The following SHANK2 variants were observed in gnomAD, a reference collection of about 807,000 sequenced individuals.
SHANK2 encodes the protein SH3 and multiple ankyrin repeat domains 2, also known as SH3 and multiple ankyrin repeat domains protein 2.
SHANK2 carries 43 observed loss-of-function variants against 133.7 expected under a neutral mutation model. The observed-to-expected ratio is 0.32, with a 90% CI of 0.25 to 0.41. SHANK2 has a LOEUF of 0.41. Ranked by LOEUF, SHANK2 falls within the 10% of genes least tolerant of loss-of-function variation. The pLI is 1.00. For synonymous variants in SHANK2, 1,017 were observed against 952.8 expected (o/e 1.07, Z -1.24); for missense variants, 1,994 against 2,235.8 (o/e 0.89, Z 2.18).
At chr11:70,954,728 C>T (rs879971569) in intron 10 of SHANK2, among the ~76,000 whole-genome samples, 1 of 152,264 alleles carries the variant, frequency 6.6e-6, no homozygotes, top group Non-Finnish European at 1.5e-5. Context: ...CTGGCTTAGC[C>T]TGTGGCGATG....
At chr11:70,698,354 T>A (rs148557144) in intron 15 of SHANK2, 1 of 359,792 alleles carries the variant, frequency 2.8e-6, no homozygotes, top group African/African-American at 2.1e-5. Flanking sequence ...CCCCGGGGGA[T>A]GCTGCTGCCC....
At chr11:70,866,315 C>A (rs897071141) in intron 11 of SHANK2, among the ~76,000 whole-genome samples, 1 of 152,038 alleles carries the variant, frequency 6.6e-6, no homozygotes, top group Admixed American at 6.6e-5. Context: ...ATGGGGGGAA[C>A]CATTTGGGAG....
chr11:71,101,587 T>G (rs1441313126), intron 6 of SHANK2, among the ~76,000 whole-genome samples: 1 of 152,176 alleles, frequency 6.6e-6, no homozygotes, highest in Non-Finnish European at 1.5e-5. Flanking sequence ...GAACCATTAT[T>G]CTCTTGAATT....
chr11:71,132,815 T>C, intron 3 of SHANK2, among the ~76,000 whole-genome samples: 1 of 152,200 alleles, frequency 6.6e-6, no homozygotes, highest in East Asian at 1.9e-4. Context: ...TCCCTTTTTT[T>C]CTAAACAATT....
intron 11 of SHANK2, among the ~76,000 whole-genome samples, chr11:70,824,639 G>A (rs1298736094): frequency 2.0e-5 from 3 of 152,148 alleles, no homozygotes; most frequent in African/African-American, 7.2e-5. Flanking sequence ...ACAGGTCACC[G>A]AGTCTGTTTT....
At chr11:70,955,001 C>T (rs782316718) in intron 10 of SHANK2, among the ~76,000 whole-genome samples, 3 of 152,220 alleles carry the variant, frequency 2.0e-5, no homozygotes, top group Admixed American at 6.5e-5. Context: ...CTGAAAGGTA[C>T]CCAAACCACC....
intron 12 of SHANK2, among the ~76,000 whole-genome samples, chr11:70,808,734 C>CA (rs1300693722): frequency 6.6e-6 from 1 of 151,614 alleles, no homozygotes; most frequent in Admixed American, 6.6e-5. Flanking sequence ...GATCCTGTCT[C>CA]AAAAAAACAA....
intron 17 of SHANK2, among the ~76,000 whole-genome samples, chr11:70,533,882 C>T (rs1454294460): frequency 2.6e-5 from 4 of 152,184 alleles, no homozygotes; most frequent in Non-Finnish European, 5.9e-5. Context: ...TTTGTGTCTG[C>T]TTCTTTTACT....
rs577510199 is a variant in SHANK2 at position 70,882,810 on chromosome 11, C to T, written c.1174+13691G>A. The stretch of plus-strand genomic sequence containing the variant: ...GCATCTGCGAGCACAGGAAGCCAAG[C>T]GGCTGGCCTGGTCCTCCAGGAGGGC... On this transcript the variant is annotated intron_variant, in intron 11 of 25. Coordinates refer to ENST00000601538, the MANE Select transcript of SHANK2 (RefSeq NM_012309.5). The surrounding 1 kb of genome is among the most constrained non-coding windows in gnomAD (Gnocchi z 4.2). 2.0e-5 allele frequency among the ~76,000 whole-genome samples: 3 copies of T among 152,306 alleles called. No homozygotes were observed. Among genetic ancestry groups the T allele is most frequent in the South Asian group, 2.1e-4 (1 of 4,818 alleles).
chr11:71,065,950 G>C (rs1213775075), intron 9 of SHANK2, among the ~76,000 whole-genome samples: 145 of 12,534 alleles, frequency 0.012, no homozygotes, highest in South Asian at 0.019. Context: ...GGGTACAGAA[G>C]TCTCCCAGGG....
chr11:70,621,963 C>T (rs1430753670), intron 17 of SHANK2, among the ~76,000 whole-genome samples: 1 of 152,110 alleles, frequency 6.6e-6, no homozygotes, highest in Non-Finnish European at 1.5e-5. Context: ...CTTCTGAGCT[C>T]GTTTCTCTTC....
At chr11:70,850,713 G>T (rs1949073087) in intron 11 of SHANK2, among the ~76,000 whole-genome samples, 1 of 152,184 alleles carries the variant, frequency 6.6e-6, no homozygotes, top group Admixed American at 6.5e-5. Flanking sequence ...GAGGCACCCG[G>T]ACCTTCTAGT....
Position 70,853,543 on chromosome 11 carries a change from A to G in SHANK2, c.1175-32861T>C, listed in dbSNP as rs189134780. Among the ~76,000 whole-genome samples the G allele has an allele frequency of 2.6e-5, 4 of 152,256 alleles. No homozygotes were observed. In the East Asian group the frequency reaches 7.7e-4, roughly 29 times the overall value. On this transcript the variant is annotated intron_variant, in intron 11 of 25. Coordinates refer to ENST00000601538, the MANE Select transcript of SHANK2 (RefSeq NM_012309.5). Reference sequence around the variant, plus strand: ...GCCTCTCAGCAGGCAGGGCAAAGGCAAATGTCTCCTCCCAACAGCTCCACC... The same window carrying G: ...GCCTCTCAGCAGGCAGGGCAAAGGCGAATGTCTCCTCCCAACAGCTCCACC...
At chr11:70,507,016 A>G (rs1399598571) in intron 17 of SHANK2, among the ~76,000 whole-genome samples, 2 of 152,256 alleles carry the variant, frequency 1.3e-5, no homozygotes, top group Non-Finnish European at 2.9e-5. Context: ...TAGCTGTCAC[A>G]ATTTAAAGAG....
chr11:71,155,508 C>T (rs1363323347), intron 2 of SHANK2, among the ~76,000 whole-genome samples: 4 of 152,062 alleles, frequency 2.6e-5, no homozygotes, highest in African/African-American at 9.7e-5. Context: ...CCCTCCCATG[C>T]CCCCAGCCAC....
At chr11:70,482,401 C>T (rs2058747150) in intron 25 of SHANK2, among the ~76,000 whole-genome samples, 2 of 152,244 alleles carry the variant, frequency 1.3e-5, no homozygotes, top group South Asian at 4.1e-4. Flanking sequence ...CCGCCCGCGG[C>T]AGTCTCAGCC....
In SHANK2 at chr11:70,709,713, G is replaced by A. The variant is rs146682853; in HGVS notation, c.1778-10950C>T. ...TGTTGGGCCGATGGAGCGTGTGGCCGTGGCAGAGACAGCTGGCAAAGGTAC... is the reference window on the plus strand; with the variant it reads ...TGTTGGGCCGATGGAGCGTGTGGCCATGGCAGAGACAGCTGGCAAAGGTAC... On this transcript the variant is annotated intron_variant, in intron 14 of 25. Coordinates refer to ENST00000601538, the MANE Select transcript of SHANK2 (RefSeq NM_012309.5). Among the ~76,000 whole-genome samples, 101 of 152,280 alleles carry A rather than the reference G, an allele frequency of 6.6e-4. 1 individual carries two copies. In the East Asian group the frequency reaches 0.017, roughly 26 times the overall value.
At chr11:70,608,100 G>C (rs948724346) in intron 17 of SHANK2, among the ~76,000 whole-genome samples, 3 of 152,218 alleles carry the variant, frequency 2.0e-5, no homozygotes, top group African/African-American at 7.2e-5. Flanking sequence ...AAATGTGCCA[G>C]CTGCTCTTGT....
At chr11:70,921,586 C>T (rs534787592) in intron 10 of SHANK2, among the ~76,000 whole-genome samples, 3 of 152,280 alleles carry the variant, frequency 2.0e-5, no homozygotes, top group South Asian at 4.1e-4. Context: ...GGTGAAAAAG[C>T]GAAGCATAAG....
Sources: gnomAD v4.1 joint callset for allele counts (sites outside exome capture counted in the v4.1 genomes callset) on GRCh38, gnomAD v4.1.1 for gene constraint, Gnocchi (gnomAD v3.1) non-coding constraint, MANE v1.5 for transcripts, NCBI Gene and HGNC (gene_info 2026-07-23, HGNC 2026-07-21) for gene names.